Variants in MCC observed in about 807,000 individuals in gnomAD.
MCC encodes the protein colorectal mutant cancer protein.
In MCC, 90 loss-of-function variants were observed where a neutral mutation model predicts 116.2. That is an observed-to-expected ratio of 0.77 (90% CI 0.65 to 0.92). MCC has a LOEUF of 0.92. Ranked by LOEUF, MCC falls within the 40% of genes least tolerant of loss-of-function variation. The pLI is 0.00. For synonymous variants in MCC, 578 were observed against 510.5 expected, an observed-to-expected ratio of 1.13 and a Z score of -1.78; for missense variants, 1,516 against 1,312.2, an observed-to-expected ratio of 1.16 and a Z score of -2.40.
intron 1 of MCC, among the ~76,000 whole-genome samples, chr5:113,385,462 G>A (rs1327820592): frequency 6.6e-6 from 1 of 152,074 alleles, no homozygotes; most frequent in Non-Finnish European, 1.5e-5. Context: ...TTTTCTTCCT[G>A]TTTCCACACC....
chr5:113,133,040 G>A (rs910835833), intron 5 of MCC, among the ~76,000 whole-genome samples: 7 of 151,912 alleles, frequency 4.6e-5, no homozygotes, highest in Admixed American at 1.3e-4. Context: ...GGATAGATAC[G>A]TATTTTCAGG....
At chr5:113,357,102 C>G (rs1768432448) in intron 2 of MCC, among the ~76,000 whole-genome samples, 1 of 152,162 alleles carries the variant, frequency 6.6e-6, no homozygotes, top group South Asian at 2.1e-4. Context: ...AGTTATTTAG[C>G]CTCAGTTTCT....
chr5:113,444,532 T>G (rs893160940), intron 1 of MCC, among the ~76,000 whole-genome samples: 3 of 152,202 alleles, frequency 2.0e-5, no homozygotes, highest in Non-Finnish European at 4.4e-5. Context: ...ATGTCTAATC[T>G]TGTTTCCTCA....
intron 8 of MCC, among the ~76,000 whole-genome samples, chr5:113,090,049 A>T (rs939650214): frequency 2.0e-5 from 3 of 152,160 alleles, no homozygotes; most frequent in Non-Finnish European, 4.4e-5. Context: ...AGCAATTAGA[A>T]CTGGATAGAT....
At chr5:113,207,284 C>T (rs928901265) in intron 3 of MCC, among the ~76,000 whole-genome samples, 1 of 152,112 alleles carries the variant, frequency 6.6e-6, no homozygotes, top group African/African-American at 2.4e-5. Context: ...ACAGGATTGT[C>T]AGGAGAATTG....
At chr5:113,112,772 G>A (rs138654105) in intron 6 of MCC, among the ~76,000 whole-genome samples, 112 of 152,332 alleles carry the variant, frequency 7.4e-4, no homozygotes, top group African/African-American at 2.6e-3. Flanking sequence ...TGGAACATGT[G>A]CTCTACAAAC....
chr5:113,166,597 C>T (rs775223914), intron 3 of MCC, among the ~76,000 whole-genome samples: 40 of 150,258 alleles, frequency 2.7e-4, no homozygotes, highest in Non-Finnish European at 4.6e-4. Flanking sequence ...TCTGAGTCTT[C>T]GTAATAGAGT....
intron 3 of MCC, among the ~76,000 whole-genome samples, chr5:113,168,729 C>T (rs563332487): frequency 2.4e-4 from 36 of 151,966 alleles, no homozygotes; most frequent in African/African-American, 8.2e-4. Context: ...TTAATTAAGC[C>T]CTCCTAGTGG....
intron 3 of MCC, among the ~76,000 whole-genome samples, chr5:113,152,608 GA>G (rs1759948202): frequency 6.6e-6 from 1 of 152,220 alleles, no homozygotes; most frequent in African/African-American, 2.4e-5. Flanking sequence ...TTGAGGCTTA[GA>G]AAAATGTGCT....
intron 3 of MCC, among the ~76,000 whole-genome samples, chr5:113,331,164 C>T (rs1767687783): frequency 6.8e-6 from 1 of 148,082 alleles, no homozygotes; most frequent in Non-Finnish European, 1.5e-5. Flanking sequence ...GGCAGAGGGA[C>T]TAGGTAGCCA....
At chr5:113,112,155 G>A (rs534051519) in intron 6 of MCC, among the ~76,000 whole-genome samples, 11 of 152,304 alleles carry the variant, frequency 7.2e-5, no homozygotes, top group African/African-American at 2.6e-4. Flanking sequence ...CGTGTTCCTG[G>A]GGATCGGTAC....
At chr5:113,125,409 T>C (rs986802569) in intron 5 of MCC, among the ~76,000 whole-genome samples, 2 of 152,206 alleles carry the variant, frequency 1.3e-5, no homozygotes, top group African/African-American at 4.8e-5. Context: ...AGGGAAGATT[T>C]TGTGCCACAA....
intron 6 of MCC, among the ~76,000 whole-genome samples, chr5:113,116,667 AT>A (rs1226527891): frequency 1.3e-5 from 2 of 152,220 alleles, no homozygotes; most frequent in African/African-American, 4.8e-5. Flanking sequence ...TGGGGAAAAT[AT>A]TCCAAAGTAA....
At chr5:113,452,812 G>T (rs1211272124) in intron 1 of MCC, among the ~76,000 whole-genome samples, 1 of 152,188 alleles carries the variant, frequency 6.6e-6, no homozygotes, top group Non-Finnish European at 1.5e-5. Flanking sequence ...CACAGGTGCA[G>T]GATGTTAGTT....
At chr5:113,484,965 C>G (rs1452944325) in intron 1 of MCC, among the ~76,000 whole-genome samples, 2 of 152,154 alleles carry the variant, frequency 1.3e-5, no homozygotes, top group Non-Finnish European at 2.9e-5. Context: ...CCAAATCCAG[C>G]GGGGTCCCAG....
At chr5:113,299,631 C>T (rs994691468) in intron 3 of MCC, among the ~76,000 whole-genome samples, 5 of 152,200 alleles carry the variant, frequency 3.3e-5, no homozygotes, top group Non-Finnish European at 5.9e-5. Context: ...AAAGGTTTCA[C>T]AATTAGAGCT....
At position 113,082,851 on chromosome 5, in the gene MCC, T is replaced by C. The variant is rs1390915362; in HGVS notation, c.1784+9A>G. The C allele has an allele frequency of 6.2e-7, 1 of 1,612,582 alleles. No individual in the cohort carries two copies. The highest frequency in any genetic ancestry group is 1.3e-5 in the African/African-American group (1 of 74,980). ...GCCCCACAATCAAATCGATACGATCTCTCCTCACCTATTCAGCCGTTCTGT... is the reference window on the plus strand; with the variant it reads ...GCCCCACAATCAAATCGATACGATCCCTCCTCACCTATTCAGCCGTTCTGT... On this transcript the variant is annotated intron_variant, in intron 11 of 18. Coordinates refer to ENST00000408903, the MANE Select transcript of MCC (RefSeq NM_001085377.2).
At chr5:113,367,584 A>G (rs757356352) in intron 2 of MCC, among the ~76,000 whole-genome samples, 2 of 133,028 alleles carry the variant, frequency 1.5e-5, no homozygotes, top group Admixed American at 8.7e-5. Context: ...TTTCCCAGAC[A>G]AGCCTTCATT....
chr5:113,260,656 C>G (rs1765187643), intron 3 of MCC, among the ~76,000 whole-genome samples: 1 of 151,858 alleles, frequency 6.6e-6, no homozygotes. Flanking sequence ...CTATTTGCGA[C>G]TTGAAAGGGT....
Sources: allele counts gnomAD v4.1 joint callset (sites outside exome capture counted in the v4.1 genomes callset), GRCh38; gene constraint gnomAD v4.1.1; transcripts MANE v1.5; gene names NCBI Gene and HGNC (gene_info 2026-07-23, HGNC 2026-07-21).